CCDC175: variants seen among roughly 807,000 people sequenced by gnomAD.
CCDC175 encodes the protein coiled-coil domain containing 175.
A neutral mutation model predicts 114.6 loss-of-function variants in CCDC175; 100 were observed. That is an observed-to-expected ratio of 0.87 (90% CI 0.74 to 1.03). The LOEUF (loss-of-function observed/expected upper bound fraction) is 1.03. Among genes scored for constraint, CCDC175 ranks in the 50% least tolerant of loss-of-function variants. The pLI, the probability that CCDC175 is intolerant of heterozygous loss-of-function variation, is 0.00. For missense variants in CCDC175, 880 were observed against 917.8 expected (o/e 0.96, Z 0.53); for synonymous variants, 306 against 308.7 (o/e 0.99, Z 0.09).
In CCDC175 at chr14:59,568,367, G is replaced by A. The variant is rs185527292; in HGVS notation, c.369C>T (p.Asp123=). The A allele has an allele frequency of 3.6e-4, 550 of 1,516,256 alleles. 2 individuals carry two copies. The African/African-American group carries it at 6.6e-3, about 18-fold the overall frequency. The allele number at this position is 1,516,256 out of a possible 1,614,324, so 93.9% of individuals were successfully genotyped here. A position where few individuals can be genotyped will look rare whatever the true frequency, so the allele number is the denominator to read the frequency against. The change falls in exon 4 of 20, where the codon GAC becomes GAT. Residue 123 remains aspartate, a synonymous_variant. Coordinates refer to ENST00000537690, the MANE Select transcript of CCDC175 (RefSeq NM_001164399.2). ...IKRELEECVR[D]ARRLNLFEIN... is the part of the protein sequence containing the mutation. ...TCTCAAAAAGATTTAATCTGCGAGC[G>A]TCTCGGACACATTCTTCAAAGTAAG...
chr14:59,524,749 A>T (rs1893643357), intron 16 of CCDC175, among the ~76,000 whole-genome samples: 1 of 152,244 alleles, frequency 6.6e-6, no homozygotes, highest in Non-Finnish European at 1.5e-5. Context: ...TGTTCACCAA[A>T]AAAACATGAA....
At chr14:59,552,071 A>G (rs1288148110) in intron 7 of CCDC175, among the ~76,000 whole-genome samples, 1 of 152,242 alleles carries the variant, frequency 6.6e-6, no homozygotes, top group Non-Finnish European at 1.5e-5. Flanking sequence ...AAGGCAGCAG[A>G]AACCTCTGCA....
At chr14:59,521,947 G>C (rs547881574) in intron 16 of CCDC175, among the ~76,000 whole-genome samples, 1 of 152,340 alleles carries the variant, frequency 6.6e-6, no homozygotes, top group Non-Finnish European at 1.5e-5. Context: ...AAATTAGAAG[G>C]TGTTCTGTCT....
In CCDC175 at chr14:59,570,985, C is replaced by T. The variant is rs78789042; in HGVS notation, c.355+1717G>A. Among the ~76,000 whole-genome samples the T allele has an allele frequency of 2.0e-4, 31 of 152,226 alleles. No homozygotes were observed. In the East Asian group the frequency reaches 6.0e-3, roughly 29 times the overall value. ...CTCAAACTCCTGACCTTGTGATCCA[C>T]CTGCCTCAGCCTCCCAAAGTGCTGG... On this transcript the variant is annotated intron_variant, in intron 3 of 19. Coordinates refer to ENST00000537690, the MANE Select transcript of CCDC175 (RefSeq NM_001164399.2).
intron 2 of CCDC175, 25 bp from the exon 3 acceptor site, chr14:59,572,838 A>G: frequency 1.4e-6 from 2 of 1,395,084 alleles, no homozygotes; most frequent in Non-Finnish European, 1.9e-6. Flanking sequence ...TACATTTTTA[A>G]AAAGTTAAGA....
intron 6 of CCDC175, among the ~76,000 whole-genome samples, chr14:59,561,745 GA>G (rs1896237080): frequency 6.6e-6 from 1 of 152,152 alleles, no homozygotes; most frequent in African/African-American, 2.4e-5. Context: ...TTACAGGAAG[GA>G]AAAATTGATG....
At chr14:59,518,584 A>C (rs867124915) in intron 17 of CCDC175, among the ~76,000 whole-genome samples, 2,306 of 152,308 alleles carry the variant, frequency 0.015, 43 homozygotes, top group African/African-American at 0.044. Flanking sequence ...TCATCACTGG[A>C]CATCAGAGAA....
At chr14:59,524,455 A>G (rs527579885) in intron 16 of CCDC175, among the ~76,000 whole-genome samples, 16 of 152,236 alleles carry the variant, frequency 1.1e-4, no homozygotes, top group Non-Finnish European at 2.1e-4. Flanking sequence ...CACTTCACAA[A>G]AAAAGGATAT....
In CCDC175 at chr14:59,527,169, T is replaced by C; in HGVS notation, c.1768A>G (p.Arg590Gly). ...TTGTTCAGTAAATCTTCCTCCTGTCTTTGTGCTATTAAAACAAAGAAAAAA... is the reference window on the plus strand; with the variant it reads ...TTGTTCAGTAAATCTTCCTCCTGTCCTTGTGCTATTAAAACAAAGAAAAAA... Reference protein sequence around the residue: ...EELSNIITAQRQEEDLLNNHI... With the variant: ...EELSNIITAQGQEEDLLNNHI... The change falls in exon 15 of 20, where the codon AGA becomes GGA. Residue 590 changes from arginine (R) to glycine (G), a missense_variant. Arg to Gly is a moderately radical substitution (Grantham distance 125). Coordinates refer to ENST00000537690, the MANE Select transcript of CCDC175 (RefSeq NM_001164399.2). 6.7e-7 allele frequency: 1 copy of C among 1,484,470 alleles called. No homozygotes were observed. The highest frequency in any genetic ancestry group is 8.9e-7 in the Non-Finnish European group (1 of 1,121,614). The allele number at this position is 1,484,470 out of a possible 1,614,324, so 92.0% of individuals were successfully genotyped here.
At chr14:59,518,500 G>A (rs1893237865) in intron 17 of CCDC175, among the ~76,000 whole-genome samples, 1 of 152,158 alleles carries the variant, frequency 6.6e-6, no homozygotes, top group Non-Finnish European at 1.5e-5. Context: ...ATCAACAAGT[G>A]GGCGAAGGAT....
Position 59,563,832 on chromosome 14 carries a change from C to T in CCDC175, c.748G>A (p.Val250Ile), listed in dbSNP as rs752556106. 3 of 1,439,632 alleles carry T rather than the reference C, an allele frequency of 2.1e-6. 1 individual carries two copies. In the South Asian group the frequency reaches 4.4e-5, roughly 21 times the overall value. 89.2% of individuals were successfully genotyped at this position (1,439,632 alleles called of 1,614,324 possible). Residue 250 changes from valine (V) to isoleucine (I), a missense_variant, in exon 6 of 20, where the codon GTA (valine) becomes ATA (isoleucine). Physicochemically the swap from Val to Ile is conservative, Grantham distance 29. Transcript: ENST00000537690. ...QINEFENTRE[V>I]KRMETYQKKK... Reference sequence around the variant, plus strand: ...TTTTGATAAGTCTCCATTCTCTTTACTTCACGGGTATTTTCAAATTCATTA... The same window carrying T: ...TTTTGATAAGTCTCCATTCTCTTTATTTCACGGGTATTTTCAAATTCATTA...
intron 7 of CCDC175, among the ~76,000 whole-genome samples, chr14:59,558,774 A>G (rs983133293): frequency 6.6e-6 from 1 of 152,188 alleles, no homozygotes; most frequent in African/African-American, 2.4e-5. Context: ...TTAGAGCTCA[A>G]GTCATTGAGG....
intron 19 of CCDC175, among the ~76,000 whole-genome samples, chr14:59,505,682 G>A (rs1306384733): frequency 6.6e-6 from 1 of 152,122 alleles, no homozygotes; most frequent in Non-Finnish European, 1.5e-5. Flanking sequence ...CACTGTAGTT[G>A]CTAATTTTAC....
chr14:59,507,260 T>G (rs4901930), intron 19 of CCDC175, among the ~76,000 whole-genome samples: 59,314 of 152,094 alleles, frequency 0.39, 12,314 homozygotes, highest in African/African-American at 0.52. Flanking sequence ...TGGGAAGATA[T>G]CCCTGTGTAC....
At chr14:59,549,298 G>C (rs1895308529) in intron 8 of CCDC175, among the ~76,000 whole-genome samples, 1 of 152,178 alleles carries the variant, frequency 6.6e-6, no homozygotes, top group Non-Finnish European at 1.5e-5. Flanking sequence ...AGGATTGCTT[G>C]AACTGAGGAG....
chr14:59,546,146 T>G (rs1050239595), intron 8 of CCDC175, among the ~76,000 whole-genome samples: 1 of 152,168 alleles, frequency 6.6e-6, no homozygotes. Flanking sequence ...TAAAAAAGAA[T>G]GAAATCATAT....
chr14:59,517,978 G>C (rs1407916223), intron 17 of CCDC175, among the ~76,000 whole-genome samples: 4 of 152,130 alleles, frequency 2.6e-5, no homozygotes, highest in Non-Finnish European at 4.4e-5. Context: ...CAGAGATATA[G>C]AGCAATGGAA....
intron 14 of CCDC175, among the ~76,000 whole-genome samples, chr14:59,527,732 G>A (rs1893833195): frequency 1.3e-5 from 2 of 152,058 alleles, no homozygotes; most frequent in African/African-American, 4.8e-5. Flanking sequence ...CAACAGAACT[G>A]TACAACCTTT....
chr14:59,568,633 G>T (rs772426234), intron 3 of CCDC175, among the ~76,000 whole-genome samples: 1 of 151,990 alleles, frequency 6.6e-6, no homozygotes, highest in Non-Finnish European at 1.5e-5. Flanking sequence ...CCTGATTCCC[G>T]CCCGTTCCAT....
Sources: allele counts gnomAD v4.1 joint callset (sites outside exome capture counted in the v4.1 genomes callset), GRCh38; gene constraint gnomAD v4.1.1; transcripts MANE v1.5; gene names NCBI Gene and HGNC (gene_info 2026-07-23, HGNC 2026-07-21).